MAP7D3: variants seen among roughly 807,000 people sequenced by gnomAD.
MAP7D3 encodes MAP7 domain-containing protein 3.
In MAP7D3, 45 loss-of-function variants were observed where a neutral mutation model predicts 62.2. The observed-to-expected ratio is 0.72, with a 90% CI of 0.57 to 0.93. The LOEUF is 0.93. Among genes scored for constraint, MAP7D3 ranks in the 40% least tolerant of loss-of-function variants. The pLI is 0.00. For synonymous variants in MAP7D3, 288 were observed against 248.8 expected (o/e 1.16, Z -1.48); for missense variants, 711 against 683.1 (o/e 1.04, Z -0.45).
intron 13 of MAP7D3, 46 bp downstream of exon 13, chrX:136,225,863 T>C (rs1389936440): frequency 2.3e-6 from 2 of 864,251 alleles, no homozygotes; most frequent in Non-Finnish European, 3.3e-6. Context: ...GTGCCCAACA[T>C]TGTTTTAAAC....
intron 9 of MAP7D3, 113 bp from the exon 10 acceptor site, chrX:136,230,706 TCC>T: frequency 1.1e-6 from 1 of 901,907 alleles, no homozygotes; most frequent in Non-Finnish European, 1.6e-6. Context: ...GAAAAATAAA[TCC>T]CTTTTTACAG....
intron 15 of MAP7D3, 123 bp downstream of exon 15, chrX:136,222,270 T>C (rs747906606): frequency 8.0e-5 from 38 of 472,286 alleles, no homozygotes; most frequent in Admixed American, 6.6e-4. Flanking sequence ...TAGCTTCCCC[T>C]TTTTCAGATG....
At position 136,221,219 on chromosome X, in the gene MAP7D3, T is replaced by G. The variant is rs1197716619; in HGVS notation, c.2288-256A>C. Among the ~76,000 whole-genome samples the G allele has an allele frequency of 1.3e-4, 15 of 112,327 alleles. No homozygotes were observed. The Admixed American group carries it at 1.4e-3, about 11-fold the overall frequency. On this transcript the variant is annotated intron_variant, in intron 15 of 18. Transcript: ENST00000316077. Reference sequence around the variant, plus strand: ...CTACGTTTAAGGAATCTGTCCTTTTTCCTTTGCTAGGAAAGAATAATGACC... The same window carrying G: ...CTACGTTTAAGGAATCTGTCCTTTTGCCTTTGCTAGGAAAGAATAATGACC...
Position 136,241,199 on chromosome X carries a change from A to G in MAP7D3, c.496T>C (p.Trp166Arg). ...ADDYQQKRWSWGGSAMANSES... is the reference protein window; with the variant it reads ...ADDYQQKRWSRGGSAMANSES... The stretch of plus-strand genomic sequence containing the variant: ...GAATTCGCCATTGCAGAGCCTCCCC[A>G]TGACCATCTTTTTTGCTGATAATCA... The change falls in exon 5 of 19, where the codon TGG becomes CGG. Residue 166 changes from tryptophan (W) to arginine (R), a missense_variant. Physicochemically the swap from Trp to Arg is moderately radical, Grantham distance 101 (BLOSUM62 -3). Transcript: ENST00000316077. 1.7e-6 allele frequency: 2 copies of G among 1,190,266 alleles called. 1 individual carries two copies. Among genetic ancestry groups the G allele is most frequent in the Non-Finnish European group, 2.3e-6 (2 of 880,388 alleles).
chrX:136,227,368 C>G lies in MAP7D3; in HGVS notation c.1950G>C (p.Leu650Phe). 8.3e-7 allele frequency: 1 copy of G among 1,201,529 alleles called. No homozygotes were observed. The highest frequency in any genetic ancestry group is 1.1e-6 in the Non-Finnish European group (1 of 888,671). ...EAVGGQAEDH[L>F]KLKDGQQQNE... The stretch of plus-strand genomic sequence containing the variant: ...TTTGTTGCTGCCCATCTTTGAGTTT[C>G]AAGTGGTCTTCTGCTTGGCCTCCAA... Residue 650 changes from leucine to phenylalanine, a missense_variant, in exon 12 of 19, where the codon TTG (leucine) becomes TTC (phenylalanine). Coordinates refer to ENST00000316077, the MANE Select transcript of MAP7D3 (RefSeq NM_024597.4).
intron 1 of MAP7D3, 38 bp downstream of exon 1, chrX:136,251,251 G>A: frequency 6.4e-6 from 7 of 1,097,238 alleles, no homozygotes; most frequent in Non-Finnish European, 8.4e-6. Context: ...CCTCCCACGC[G>A]GGCCCGAACC....
intron 7 of MAP7D3, 135 bp from the exon 8 acceptor site, chrX:136,232,355 CAGGAAA>C: frequency 2.1e-6 from 1 of 469,223 alleles, no homozygotes; most frequent in Non-Finnish European, 3.6e-6. Flanking sequence ...ACACACAACA[CAGGAAA>C]TGCTTAGTGA....
intron 7 of MAP7D3, among the ~76,000 whole-genome samples, chrX:136,232,802 G>A: frequency 9.0e-6 from 1 of 111,709 alleles, no homozygotes; most frequent in Non-Finnish European, 1.9e-5. Flanking sequence ...GGACGAAAAT[G>A]ATAATATTTG....
At chrX:136,237,022 T>G (rs1268850400) in intron 6 of MAP7D3, among the ~76,000 whole-genome samples, 1 of 112,387 alleles carries the variant, frequency 8.9e-6, no homozygotes, top group Non-Finnish European at 1.9e-5. Flanking sequence ...ATTTTTAAAA[T>G]AAAAATGAAT....
At position 136,246,160 on chromosome X, in the gene MAP7D3, AG is replaced by A; in HGVS notation, c.170-13del. The A allele has an allele frequency of 1.8e-6, 2 of 1,142,583 alleles. No individual in the cohort carries two copies. Among genetic ancestry groups the A allele is most frequent in the Non-Finnish European group, 2.4e-6 (2 of 837,968 alleles). 94.2% of individuals were successfully genotyped at this position (1,142,583 alleles called of 1,213,427 possible). A position where few individuals can be genotyped will look rare whatever the true frequency, so the allele number is the denominator to read the frequency against. ...GGATCCATCGATTACTAAAAAAAAA[AG>A]AATATAGTTAGATATTAATAGGATA... On this transcript the variant is annotated splice_polypyrimidine_tract_variant and intron_variant, in intron 2 of 18. Coordinates refer to ENST00000316077, the MANE Select transcript of MAP7D3 (RefSeq NM_024597.4).
chrX:136,226,693 G>A (rs978351215), intron 12 of MAP7D3, among the ~76,000 whole-genome samples: 15 of 112,083 alleles, frequency 1.3e-4, no homozygotes, highest in African/African-American at 4.9e-4. Flanking sequence ...ATCTGTTAAA[G>A]CAATTTGGAT....
At chrX:136,221,064 G>C (rs1044298365) in intron 15 of MAP7D3, 101 bp from the exon 16 acceptor site, 7 of 606,991 alleles carry the variant, frequency 1.2e-5, no homozygotes, top group Non-Finnish European at 1.9e-5. Flanking sequence ...GGTACTGCCT[G>C]CCTGAAGGCA....
intron 12 of MAP7D3, 130 bp from the exon 13 acceptor site, chrX:136,226,143 T>C: frequency 4.4e-6 from 2 of 451,468 alleles, no homozygotes; most frequent in Non-Finnish European, 7.4e-6. Context: ...TGAATGAGGG[T>C]TCCTATATCA....
intron 7 of MAP7D3, among the ~76,000 whole-genome samples, chrX:136,235,348 A>G (rs970486903): frequency 2.7e-5 from 3 of 112,547 alleles, no homozygotes; most frequent in Non-Finnish European, 5.6e-5. Flanking sequence ...ATAGGATTTG[A>G]CCTGAATCAA....
Position 136,227,274 on chromosome X carries a change from G to A in MAP7D3, c.2034+10C>T, listed in dbSNP as rs1425756651. On this transcript the variant is annotated intron_variant, in intron 12 of 18. Coordinates refer to ENST00000316077, the MANE Select transcript of MAP7D3 (RefSeq NM_024597.4). ...TTCTCATCCCCTGATAAAGTGTCAA[G>A]TCAGCAAACCTGCAGTGGTGCTTCC... is the stretch of plus-strand genomic sequence containing the variant. 10 of 1,204,781 alleles carry A rather than the reference G, an allele frequency of 8.3e-6. No individual in the cohort carries two copies. Among genetic ancestry groups the A allele is most frequent in the South Asian group, 1.8e-5 (1 of 56,292 alleles).
chrX:136,224,016 T>A (rs1373339256), intron 14 of MAP7D3, among the ~76,000 whole-genome samples: 3 of 96,216 alleles, frequency 3.1e-5, no homozygotes, highest in African/African-American at 1.2e-4. Flanking sequence ...TGCGCCACTG[T>A]GTTCCTGCCT....
intron 1 of MAP7D3, 66 bp downstream of exon 1, chrX:136,251,223 G>A: frequency 5.2e-6 from 5 of 958,620 alleles, no homozygotes; most frequent in Non-Finnish European, 7.0e-6. Context: ...CGACGGCCCG[G>A]GGACTGCGGG....
upstream of MAP7D3, among the ~76,000 whole-genome samples, chrX:136,253,313 G>A (rs947927136): frequency 8.9e-6 from 1 of 111,739 alleles, no homozygotes; most frequent in African/African-American, 3.3e-5. Flanking sequence ...CTGGAACTCC[G>A]CAAACAGAAA....
chrX:136,256,209 T>G, upstream of MAP7D3: 4 of 1,139,565 alleles, frequency 3.5e-6, no homozygotes, highest in Non-Finnish European at 4.6e-6. Context: ...GGAAGAGTGA[T>G]GTTTCCTTCT....
Sources: allele counts gnomAD v4.1 joint callset (sites outside exome capture counted in the v4.1 genomes callset), GRCh38; gene constraint gnomAD v4.1.1; transcripts MANE v1.5; gene names NCBI Gene and HGNC (gene_info 2026-07-23, HGNC 2026-07-21).